The following XPO4 variants were observed in gnomAD, a reference collection of about 807,000 sequenced individuals.
The protein encoded by XPO4 is exportin-4.
Under a neutral mutation model 143.0 loss-of-function variants are expected in XPO4, and 39 were observed. That is an observed-to-expected ratio of 0.27 (90% CI 0.21 to 0.36). The LOEUF is 0.36. Ranked by LOEUF, XPO4 falls within the 10% of genes least tolerant of loss-of-function variation. XPO4 has a pLI of 1.00. For synonymous variants in XPO4, 439 were observed against 474.0 expected (o/e 0.93, Z 0.96); for missense variants, 907 against 1,348.0 (o/e 0.67, Z 5.12).
intron 3 of XPO4, among the ~76,000 whole-genome samples, chr13:20,858,283 A>G (rs988153130): frequency 3.3e-5 from 5 of 152,228 alleles, no homozygotes; most frequent in African/African-American, 1.2e-4. Context: ...CAATTGGGAA[A>G]CTCAGAATAT....
chr13:20,866,946 C>T lies in XPO4; in HGVS notation c.175+1650G>A, dbSNP rs936665199. 4.1e-4 allele frequency among the ~76,000 whole-genome samples: 63 copies of T among 152,148 alleles called. 4 individuals are homozygous for T. On this transcript the variant is annotated intron_variant, in intron 2 of 22. Coordinates refer to ENST00000255305, the MANE Select transcript of XPO4 (RefSeq NM_022459.5). The stretch of plus-strand genomic sequence containing the variant: ...AGTCAGATGAAACACTGATGGAATC[C>T]TAGTCAATGTCGTTAAGGCATATGC...
At chr13:20,899,289 A>C (rs1050850349) in intron 1 of XPO4, among the ~76,000 whole-genome samples, 1 of 152,112 alleles carries the variant, frequency 6.6e-6, no homozygotes, top group Non-Finnish European at 1.5e-5. Context: ...TCAAGTAATA[A>C]AATGTAACAT....
intron 7 of XPO4, among the ~76,000 whole-genome samples, chr13:20,824,086 T>G (rs2059754523): frequency 6.6e-6 from 1 of 152,218 alleles, no homozygotes; most frequent in South Asian, 2.1e-4. Context: ...GCCTAAAGTG[T>G]TTACTATCTG....
At chr13:20,890,666 G>A (rs1291374676) in intron 1 of XPO4, among the ~76,000 whole-genome samples, 1 of 151,730 alleles carries the variant, frequency 6.6e-6, no homozygotes, top group Non-Finnish European at 1.5e-5. Context: ...GGTATGGTTG[G>A]TGTCTGTCTG....
chr13:20,809,255 G>A (rs1489624534), intron 10 of XPO4, 30 bp from the exon 11 acceptor site: 3 of 1,606,626 alleles, frequency 1.9e-6, no homozygotes, highest in Non-Finnish European at 2.5e-6. Flanking sequence ...TAAACAATGA[G>A]GAACTGCATT....
Position 20,887,992 on chromosome 13 carries a change from T to C in XPO4, c.69+14678A>G, listed in dbSNP as rs147721979. On this transcript the variant is annotated intron_variant, in intron 1 of 22. Coordinates refer to ENST00000255305, the MANE Select transcript of XPO4 (RefSeq NM_022459.5). ...GAGATCAAGACCAGTCTGGCCAACA[T>C]GGCAAAACCCTGTCTCTACGAAAAA... Among the ~76,000 whole-genome samples, 1,110 of 151,890 alleles carry C rather than the reference T, an allele frequency of 7.3e-3. 3 individuals are homozygous for C. The highest frequency in any genetic ancestry group is 0.02 in the Middle Eastern group (6 of 294).
At chr13:20,866,948 A>G (rs1363662904) in intron 2 of XPO4, among the ~76,000 whole-genome samples, 1 of 152,218 alleles carries the variant, frequency 6.6e-6, no homozygotes, top group Non-Finnish European at 1.5e-5. Context: ...ATGGAATCCT[A>G]GTCAATGTCG....
At chr13:20,840,665 TAGTC>T (rs1403255019) in intron 6 of XPO4, among the ~76,000 whole-genome samples, 1 of 152,194 alleles carries the variant, frequency 6.6e-6, no homozygotes, top group Non-Finnish European at 1.5e-5. Context: ...AATTAGAAAT[TAGTC>T]AGAATTGAGT....
At chr13:20,862,950 C>T in intron 2 of XPO4, 92 bp from the exon 3 acceptor site, 1 of 1,566,280 alleles carries the variant, frequency 6.4e-7, no homozygotes, top group East Asian at 2.3e-5. Flanking sequence ...ACTTTTCAGA[C>T]AAGGAATAAG....
At chr13:20,855,035 T>C (rs1047901568) in intron 4 of XPO4, among the ~76,000 whole-genome samples, 10 of 152,336 alleles carry the variant, frequency 6.6e-5, no homozygotes, top group East Asian at 1.9e-4. Flanking sequence ...AACAATATTA[T>C]GGCATATTAA....
At chr13:20,792,361 G>C (rs1263338163) in intron 18 of XPO4, among the ~76,000 whole-genome samples, 1 of 152,018 alleles carries the variant, frequency 6.6e-6, no homozygotes, top group Non-Finnish European at 1.5e-5. Flanking sequence ...GGGAGGGTGA[G>C]ACAGGCGGAT....
intron 6 of XPO4, among the ~76,000 whole-genome samples, chr13:20,839,521 T>C (rs1298580439): frequency 1.3e-5 from 2 of 152,144 alleles, no homozygotes; most frequent in East Asian, 1.9e-4. Context: ...TATAGTATAG[T>C]GTGTGAATTA....
intron 1 of XPO4, among the ~76,000 whole-genome samples, chr13:20,893,929 C>T (rs1022665417): frequency 2.0e-5 from 3 of 152,214 alleles, no homozygotes; most frequent in East Asian, 1.9e-4. Context: ...CTGCATTCTC[C>T]GCCTCCCGGG....
In XPO4 at chr13:20,826,944, T is replaced by C. The variant is rs2059792454; in HGVS notation, c.840+123A>G. 7.7e-6 allele frequency: 5 copies of C among 649,820 alleles called. No homozygotes were observed. In the South Asian group the frequency reaches 8.9e-5, roughly 12 times the overall value. 40.3% of individuals were successfully genotyped at this position (649,820 alleles called of 1,614,324 possible). ...AAAATAATTTCTGTTTAAGCAGCCA[T>C]ACTGATGAGAAGACAAGACTTTAGG... On this transcript the variant is annotated intron_variant, in intron 7 of 22. Coordinates refer to ENST00000255305, the MANE Select transcript of XPO4 (RefSeq NM_022459.5).
intron 6 of XPO4, among the ~76,000 whole-genome samples, chr13:20,836,520 C>G (rs558189869): frequency 6.6e-6 from 1 of 152,240 alleles, no homozygotes; most frequent in African/African-American, 2.4e-5. Context: ...CTTGGACCAC[C>G]TCTCCTATTT....
At chr13:20,892,168 C>T (rs970986281) in intron 1 of XPO4, among the ~76,000 whole-genome samples, 1 of 151,854 alleles carries the variant, frequency 6.6e-6, no homozygotes, top group African/African-American at 2.4e-5. Context: ...CTCACTGCAA[C>T]CTTCACCTCC....
At chr13:20,828,147 G>C (rs1223409109) in intron 6 of XPO4, among the ~76,000 whole-genome samples, 1 of 152,150 alleles carries the variant, frequency 6.6e-6, no homozygotes, top group Admixed American at 6.5e-5. Flanking sequence ...TGAGGCGGGA[G>C]AGTCGCTTGA....
chr13:20,899,902 G>A (rs1244181963), intron 1 of XPO4, among the ~76,000 whole-genome samples: 3 of 152,058 alleles, frequency 2.0e-5, no homozygotes, highest in Admixed American at 6.6e-5. Context: ...AATAATTGAC[G>A]GAGCATTAAC....
chr13:20,799,357 A>G lies in XPO4; in HGVS notation c.2148-18T>C. The G allele has an allele frequency of 6.2e-7, 1 of 1,608,332 alleles. No homozygotes were observed. Among genetic ancestry groups the G allele is most frequent in the Admixed American group, 1.7e-5 (1 of 59,746 alleles). On this transcript the variant is annotated intron_variant, in intron 15 of 22. Coordinates refer to ENST00000255305, the MANE Select transcript of XPO4 (RefSeq NM_022459.5). ...AGTTTGCCCTACAGGTAGAAATAACAAAACATAAGATGTATTACTATGTAT... is the reference window on the plus strand; with the variant it reads ...AGTTTGCCCTACAGGTAGAAATAACGAAACATAAGATGTATTACTATGTAT...
Sources: gnomAD v4.1 joint callset for allele counts (sites outside exome capture counted in the v4.1 genomes callset) on GRCh38, gnomAD v4.1.1 for gene constraint, MANE v1.5 for transcripts, NCBI Gene and HGNC (gene_info 2026-07-23, HGNC 2026-07-21) for gene names.